NRXN1: variants seen among roughly 807,000 people sequenced by gnomAD.
NRXN1 encodes the protein neurexin 1, also known as neurexin-1.
In NRXN1, 39 loss-of-function variants were observed where a neutral mutation model predicts 150.9. The ratio of observed to expected loss-of-function variants is 0.26; its 90% CI spans 0.20 to 0.34. The LOEUF (loss-of-function observed/expected upper bound fraction) is 0.34. Ranked by LOEUF, NRXN1 falls within the 10% of genes least tolerant of loss-of-function variation. The probability of loss-of-function intolerance (pLI) is 1.00; values close to 1 mark genes in which losing one functional copy is unlikely to be tolerated. For missense variants in NRXN1, 1,815 were observed against 1,949.9 expected (o/e 0.93, Z 1.30); for synonymous variants, 924 against 757.0 (o/e 1.22, Z -3.62).
intron 17 of NRXN1, among the ~76,000 whole-genome samples, chr2:50,368,790 T>C (rs910743433): frequency 1.5e-4 from 23 of 152,086 alleles, no homozygotes; most frequent in East Asian, 9.7e-4. Context: ...GAAGCACATA[T>C]TGATGATACT....
intron 9 of NRXN1, 142 bp from the exon 10 acceptor site, chr2:50,538,778 T>C (rs2093326377): frequency 1.5e-6 from 1 of 648,622 alleles, no homozygotes; most frequent in African/African-American, 1.9e-5. Flanking sequence ...CTTTTTGGTA[T>C]TTCCTAGAGA....
intron 5 of NRXN1, among the ~76,000 whole-genome samples, chr2:50,868,428 C>G (rs116006548): frequency 0.049 from 7,295 of 149,920 alleles, 225 homozygotes; most frequent in Non-Finnish European, 0.066. Flanking sequence ...AGGGGGTGAA[C>G]AATGAGAACT....
chr2:51,001,160 C>A (rs1298736420), intron 2 of NRXN1, among the ~76,000 whole-genome samples: 1 of 134,506 alleles, frequency 7.4e-6, no homozygotes, highest in Admixed American at 9.3e-5. Flanking sequence ...GTAGTAAACA[C>A]AGTAAAGCTC....
intron 2 of NRXN1, among the ~76,000 whole-genome samples, chr2:50,959,109 C>A (rs1338304717): frequency 6.6e-6 from 1 of 151,918 alleles, no homozygotes; most frequent in South Asian, 2.1e-4. Flanking sequence ...TAACAAGTGT[C>A]GGTGAAAATG....
chr2:50,017,515 G>A lies in NRXN1; in HGVS notation c.4128+35756C>T, dbSNP rs545427066. ...GGTAAATCACAACAATGACAATTTCGCTTTCCAATTAAAGTGTAATAGTGA... is the reference window on the plus strand; with the variant it reads ...GGTAAATCACAACAATGACAATTTCACTTTCCAATTAAAGTGTAATAGTGA... On this transcript the variant is annotated intron_variant, in intron 21 of 22. Coordinates refer to ENST00000401669, the MANE Select transcript of NRXN1 (RefSeq NM_001330078.2). Among the ~76,000 whole-genome samples the A allele has an allele frequency of 4.5e-4, 68 of 152,232 alleles. 1 individual carries two copies. In the South Asian group the frequency reaches 0.013, roughly 29 times the overall value.
chr2:50,995,200 G>C (rs1475964987), intron 2 of NRXN1, among the ~76,000 whole-genome samples: 1 of 151,942 alleles, frequency 6.6e-6, no homozygotes, highest in Admixed American at 6.6e-5. Context: ...GATGTTAGAG[G>C]TCATTAAGTT....
At chr2:50,291,521 A>G (rs1353991792) in intron 17 of NRXN1, among the ~76,000 whole-genome samples, 1 of 152,146 alleles carries the variant, frequency 6.6e-6, no homozygotes, top group Non-Finnish European at 1.5e-5. Context: ...GCTCTAGAGA[A>G]GCATTCATCC....
intron 5 of NRXN1, among the ~76,000 whole-genome samples, chr2:50,881,194 A>G (rs1679374279): frequency 6.6e-6 from 1 of 151,918 alleles, no homozygotes; most frequent in Non-Finnish European, 1.5e-5. Flanking sequence ...AATACGTTAA[A>G]ATATCAGACT....
chr2:50,429,954 T>C (rs1257128231), intron 17 of NRXN1, among the ~76,000 whole-genome samples: 2 of 152,188 alleles, frequency 1.3e-5, no homozygotes, highest in Non-Finnish European at 2.9e-5. Context: ...TTGATTTACA[T>C]ATTAATATTC....
chr2:50,041,634 G>A (rs1690979684), intron 21 of NRXN1, among the ~76,000 whole-genome samples: 1 of 152,204 alleles, frequency 6.6e-6, no homozygotes, highest in Admixed American at 6.5e-5. Flanking sequence ...GCTCACCACA[G>A]ACAGCAAGGA....
intron 17 of NRXN1, among the ~76,000 whole-genome samples, chr2:50,447,737 T>TTTTATA (rs1208594855): frequency 0.01 from 398 of 37,920 alleles, 91 homozygotes; most frequent in African/African-American, 0.056. Flanking sequence ...CAGGGGAACG[T>TTTTATA]TATATATATA....
intron 5 of NRXN1, among the ~76,000 whole-genome samples, chr2:50,887,031 A>G (rs2103774249): frequency 6.6e-6 from 1 of 151,544 alleles, no homozygotes; most frequent in East Asian, 1.9e-4. Flanking sequence ...GGGGTATTTA[A>G]TGTATAGTTG....
intron 2 of NRXN1, among the ~76,000 whole-genome samples, chr2:50,999,460 A>C (rs1202748294): frequency 6.6e-6 from 1 of 152,004 alleles, no homozygotes; most frequent in Non-Finnish European, 1.5e-5. Flanking sequence ...CACTTCTTGC[A>C]CATCTTCTAT....
chr2:50,816,797 T>C (rs962569775), intron 5 of NRXN1, among the ~76,000 whole-genome samples: 1 of 152,254 alleles, frequency 6.6e-6, no homozygotes, highest in African/African-American at 2.4e-5. Flanking sequence ...AGAACTTTTG[T>C]TGAGTCATTC....
intron 5 of NRXN1, among the ~76,000 whole-genome samples, chr2:50,791,692 G>A (rs1325925999): frequency 1.3e-5 from 2 of 152,112 alleles, no homozygotes; most frequent in Non-Finnish European, 2.9e-5. Context: ...AAATTGTATA[G>A]CCGCAATTAT....
intron 2 of NRXN1, among the ~76,000 whole-genome samples, chr2:50,956,711 T>C (rs762630989): frequency 1.3e-5 from 2 of 151,436 alleles, no homozygotes; most frequent in Non-Finnish European, 2.9e-5. Context: ...AGTGAGACTA[T>C]CTCAAAAAAT....
chr2:49,943,256 C>A (rs184944428), intron 22 of NRXN1, among the ~76,000 whole-genome samples: 2 of 152,142 alleles, frequency 1.3e-5, no homozygotes, highest in African/African-American at 4.8e-5. Flanking sequence ...CTCTCACTTC[C>A]GAAATTCAGA....
intron 5 of NRXN1, among the ~76,000 whole-genome samples, chr2:50,913,549 T>G (rs1211909827): frequency 6.6e-6 from 1 of 151,804 alleles, no homozygotes; most frequent in Non-Finnish European, 1.5e-5. Context: ...ATTCATTGTC[T>G]CAGTAGTGTA....
At chr2:50,424,931 T>A (rs2084360442) in intron 17 of NRXN1, among the ~76,000 whole-genome samples, 1 of 152,228 alleles carries the variant, frequency 6.6e-6, no homozygotes, top group Non-Finnish European at 1.5e-5. Context: ...CAATTCACTG[T>A]AGTTCTTCAT....
Sources: gnomAD v4.1 joint callset for allele counts (sites outside exome capture counted in the v4.1 genomes callset) on GRCh38, gnomAD v4.1.1 for gene constraint, MANE v1.5 for transcripts, NCBI Gene and HGNC (gene_info 2026-07-23, HGNC 2026-07-21) for gene names.